FCSK: variants seen among roughly 807,000 people sequenced by gnomAD.
FCSK encodes fucose kinase.
Under a neutral mutation model 122.5 loss-of-function variants are expected in FCSK, and 123 were observed. The observed-to-expected ratio is 1.00, with a 90% CI of 0.87 to 1.17. The LOEUF is 1.17. FCSK is among the 50% of genes most tolerant of loss of function. The pLI is 0.00. For missense variants in FCSK, 1,366 were observed against 1,450.4 expected (o/e 0.94, Z 0.95); for synonymous variants, 620 against 625.5 (o/e 0.99, Z 0.13).
At chr16:70,454,708 A>C (rs1250488255) in intron 1 of FCSK, 78 bp downstream of exon 1, 1 of 143,330 alleles carries the variant, frequency 7.0e-6, no homozygotes, top group Admixed American at 7.4e-5. Context: ...TTTCCGGTGC[A>C]CCCTCCCTGA....
chr16:70,464,199 T>C (rs971269564), intron 3 of FCSK, among the ~76,000 whole-genome samples: 7 of 152,126 alleles, frequency 4.6e-5, no homozygotes, highest in African/African-American at 1.7e-4. Context: ...CTGCATAGCA[T>C]CTTTGTGTGC....
rs770851514 is a variant in FCSK, at chr16:70,479,269, C to T, written c.3019C>T (p.Arg1007Cys). Residue 1007 changes from arginine (R) to cysteine (C), a missense_variant, in exon 23 of 24, where the codon CGT becomes TGT. Arg to Cys is a radical substitution (Grantham distance 180, BLOSUM62 -3). Transcript: ENST00000288078. ...APGCEPLTVR[R>C]MMDVLAPHVH... is the part of the protein sequence containing the mutation. Reference sequence around the variant, plus strand: ...AGGCTGTGAGCCCCTGACTGTGCGGCGTATGATGGATGTCCTGGCCCCCCA... The same window carrying T: ...AGGCTGTGAGCCCCTGACTGTGCGGTGTATGATGGATGTCCTGGCCCCCCA... 22 of 1,613,820 alleles carry T rather than the reference C, an allele frequency of 1.4e-5. No individual in the cohort carries two copies. Among genetic ancestry groups the T allele is most frequent in the African/African-American group, 2.7e-5 (2 of 74,920 alleles).
chr16:70,472,880 AG>A (rs1171169412), intron 14 of FCSK, 102 bp from the exon 15 acceptor site: 11 of 1,379,202 alleles, frequency 8.0e-6, no homozygotes, highest in Non-Finnish European at 1.1e-5. Flanking sequence ...GCTACCTCGG[AG>A]GAGTCTGTCC....
At chr16:70,461,714 G>A (rs903349655) in intron 1 of FCSK, among the ~76,000 whole-genome samples, 5 of 152,140 alleles carry the variant, frequency 3.3e-5, no homozygotes, top group Non-Finnish European at 7.4e-5. Flanking sequence ...ATTTGCTCTC[G>A]CCTTCCTTTC....
Position 70,463,718 on chromosome 16 carries a change from A to T in FCSK, c.178A>T (p.Thr60Ser). 1 of 1,612,560 alleles carries T rather than the reference A, an allele frequency of 6.2e-7. No homozygotes were observed. Among genetic ancestry groups the T allele is most frequent in the Non-Finnish European group, 8.5e-7 (1 of 1,179,956 alleles). ...PEKRVGSGGA[T>S]LNALLVAAEH... ...GAAGCGTGTGGGCAGCGGAGGAGCC[A>T]CCCTCAACGCCCTGCTGGTGGCTGC... The change falls in exon 3 of 24, where the codon ACC becomes TCC. Residue 60 changes from threonine to serine, a missense_variant. Thr to Ser is a moderately conservative substitution (Grantham distance 58, BLOSUM62 1). Coordinates refer to ENST00000288078, the MANE Select transcript of FCSK (RefSeq NM_145059.3).
At chr16:70,469,044 C>G (rs1015957485) in intron 9 of FCSK, 76 bp downstream of exon 9, 1 of 1,606,348 alleles carries the variant, frequency 6.2e-7, no homozygotes, top group African/African-American at 1.3e-5. Flanking sequence ...AGCCACTTCC[C>G]CTCTCTGGGG....
At position 70,473,304 on chromosome 16, in the gene FCSK, T is replaced by A; in HGVS notation, c.1728T>A (p.Ala576=). ...TCAGCCTGCGCCCGCTGATCTGGGC[T>A]GCTGTCCGCGAGGGCTGCCCCGGGC... ...QDLSLRPLIW[A]AVREGCPGPL... Residue 576 remains alanine, a synonymous_variant, in exon 15 of 24, where the codon GCT becomes GCA. Coordinates refer to ENST00000288078, the MANE Select transcript of FCSK (RefSeq NM_145059.3). The surrounding 1 kb of genome is among the most constrained non-coding windows in gnomAD (Gnocchi z 4.9). 1 of 1,524,072 alleles carries A rather than the reference T, an allele frequency of 6.6e-7. No homozygotes were observed. Among genetic ancestry groups the A allele is most frequent in the South Asian group, 1.2e-5 (1 of 82,668 alleles). 94.4% of individuals were successfully genotyped at this position (1,524,072 alleles called of 1,614,324 possible).
rs547934642 is a variant in FCSK, at chr16:70,469,788, C to T, written c.955+465C>T. 1.9e-4 allele frequency among the ~76,000 whole-genome samples: 29 copies of T among 151,952 alleles called. No individual in the cohort carries two copies. In the South Asian group the frequency reaches 6.0e-3, roughly 32 times the overall value. On this transcript the variant is annotated intron_variant, in intron 10 of 23. Coordinates refer to ENST00000288078, the MANE Select transcript of FCSK (RefSeq NM_145059.3). ...CCTCAGGTGACCCGCCTGCCTTGGC[C>T]TCCCGAAGTGCTGGGCTTACAGGCA...
chr16:70,468,748 G>T, intron 8 of FCSK, 101 bp from the exon 9 acceptor site: 2 of 1,443,918 alleles, frequency 1.4e-6, no homozygotes, highest in Non-Finnish European at 9.6e-7. Context: ...GCCTGGTATG[G>T]CACTCAGCTT....
chr16:70,478,193 G>A (rs749346994), intron 20 of FCSK, 79 bp from the exon 21 acceptor site: 2 of 1,443,152 alleles, frequency 1.4e-6, no homozygotes, highest in Non-Finnish European at 1.9e-6. Context: ...CCAGCAAGGG[G>A]TGCAGGGCCG....
In FCSK at chr16:70,479,737, C is replaced by G; in HGVS notation, c.*57C>G. On this transcript the variant is annotated 3_prime_UTR_variant, in exon 24 of 24. Coordinates refer to ENST00000288078, the MANE Select transcript of FCSK (RefSeq NM_145059.3). ...TGGAGCTACAGTGTCCCCCACCTTC[C>G]TTGCCCCATGGGAACCTCCACCTCC... 7.1e-7 allele frequency: 1 copy of G among 1,417,676 alleles called. No individual in the cohort carries two copies. The highest frequency in any genetic ancestry group is 9.8e-7 in the Non-Finnish European group (1 of 1,017,884). 87.8% of individuals were successfully genotyped at this position (1,417,676 alleles called of 1,614,324 possible).
intron 4 of FCSK, 95 bp from the exon 5 acceptor site, chr16:70,466,037 C>A: frequency 7.9e-7 from 1 of 1,260,788 alleles, no homozygotes. Context: ...CATTTTTTAT[C>A]AGCCCTCCAC....
intron 16 of FCSK, 82 bp downstream of exon 16, chr16:70,474,421 G>T (rs1326038467): frequency 6.4e-7 from 1 of 1,555,668 alleles, no homozygotes; most frequent in Non-Finnish European, 8.7e-7. Flanking sequence ...AACCCAGAGA[G>T]AGGTGGGGCT....
Position 70,473,396 on chromosome 16 carries a change from C to T in FCSK, c.1777+43C>T, listed in dbSNP as rs1391738413. On this transcript the variant is annotated intron_variant, in intron 15 of 23. Coordinates refer to ENST00000288078, the MANE Select transcript of FCSK (RefSeq NM_145059.3). This position sits in a 1 kb window ranked among gnomAD's most constrained non-coding sequence, Gnocchi z 4.9. ...TAGTGCTGCAGAATCAGGCCAGGGG[C>T]ACCTGCCCTCCCTGTCCTCTGGGCC... 6.9e-7 allele frequency: 1 copy of T among 1,456,456 alleles called. No homozygotes were observed. The allele number at this position is 1,456,456 out of a possible 1,614,324, so 90.2% of individuals were successfully genotyped here.
intron 1 of FCSK, among the ~76,000 whole-genome samples, chr16:70,456,544 C>G (rs1387558775): frequency 6.6e-6 from 1 of 152,224 alleles, no homozygotes; most frequent in Non-Finnish European, 1.5e-5. Context: ...TTGAGAGCTT[C>G]CAGTCCTTCC....
chr16:70,472,740 G>T, intron 14 of FCSK, 135 bp downstream of exon 14: 1 of 843,810 alleles, frequency 1.2e-6, no homozygotes. Context: ...GTTTTGGGCA[G>T]CCGGATTCTC....
At position 70,465,152 on chromosome 16, in the gene FCSK, G is replaced by T; in HGVS notation, c.261G>T (p.Ser87=). 1.2e-6 allele frequency: 2 copies of T among 1,613,412 alleles called. No homozygotes were observed. Among genetic ancestry groups the T allele is most frequent in the Non-Finnish European group, 1.7e-6 (2 of 1,179,604 alleles). Residue 87 remains serine (S), a synonymous_variant, in exon 4 of 24, where the codon TCG becomes TCT. Transcript: ENST00000288078. ...TGGTCACATCCGATGTCCTGCACTC[G>T]GCCTGGATCCTCATTCTGCACATGG... The part of the protein sequence containing the change: ...FTVVTSDVLH[S]AWILILHMGR...
intron 1 of FCSK, chr16:70,454,902 G>A (rs918627646): frequency 3.9e-5 from 6 of 152,254 alleles, no homozygotes; most frequent in Non-Finnish European, 7.3e-5. Flanking sequence ...CTGGGACCGG[G>A]AGGGATGCGG....
chr16:70,479,715 A>C lies in FCSK; in HGVS notation c.*35A>C, dbSNP rs375930439. ...CTCTCTGCAACAGGAGAAAACCTGG[A>C]GCTACAGTGTCCCCCACCTTCCTTG... On this transcript the variant is annotated 3_prime_UTR_variant, in exon 24 of 24. Transcript: ENST00000288078. 13 of 1,549,290 alleles carry C rather than the reference A, an allele frequency of 8.4e-6. No individual in the cohort carries two copies. In the Admixed American group the frequency reaches 1.5e-4, roughly 18 times the overall value.
Sources: allele counts gnomAD v4.1 joint callset (sites outside exome capture counted in the v4.1 genomes callset), GRCh38; gene constraint gnomAD v4.1.1; non-coding constraint Gnocchi (gnomAD v3.1); transcripts MANE v1.5; gene names NCBI Gene and HGNC (gene_info 2026-07-23, HGNC 2026-07-21).